Variants in COL22A1 observed in about 807,000 individuals in gnomAD.
COL22A1 encodes collagen type XXII alpha 1 chain.
Under a neutral mutation model 248.9 loss-of-function variants are expected in COL22A1, and 221 were observed. That is an observed-to-expected ratio of 0.89 (90% CI 0.80 to 0.99). The LOEUF (loss-of-function observed/expected upper bound fraction) is 0.99. Among genes scored for constraint, COL22A1 ranks in the 50% least tolerant of loss-of-function variants. The probability of loss-of-function intolerance (pLI) is 0.00; values close to 1 mark genes in which losing one functional copy is unlikely to be tolerated. For synonymous variants in COL22A1, 891 were observed against 793.4 expected (o/e 1.12, Z -2.07); for missense variants, 2,240 against 2,179.0 (o/e 1.03, Z -0.56).
At chr8:138,713,955 G>T (rs893615035) in intron 30 of COL22A1, among the ~76,000 whole-genome samples, 7 of 152,166 alleles carry the variant, frequency 4.6e-5, no homozygotes, top group Non-Finnish European at 7.3e-5. Context: ...AAGTCCTTAG[G>T]AGGTGAAAAT....
At chr8:138,655,728 G>A (rs1481025330) in intron 45 of COL22A1, among the ~76,000 whole-genome samples, 169 bp downstream of exon 45, 2 of 152,012 alleles carry the variant, frequency 1.3e-5, no homozygotes, top group Admixed American at 6.6e-5. Flanking sequence ...TGTTGGACAG[G>A]GGGATTTAGC....
intron 1 of COL22A1, among the ~76,000 whole-genome samples, chr8:138,907,140 A>G (rs937176476): frequency 3.5e-4 from 53 of 152,332 alleles, no homozygotes; most frequent in Middle Eastern, 3.4e-3. Context: ...TGTGCCCAAC[A>G]CAGAGGGACC....
intron 3 of COL22A1, among the ~76,000 whole-genome samples, chr8:138,848,651 T>C (rs1311214872): frequency 6.6e-6 from 1 of 152,168 alleles, no homozygotes; most frequent in Admixed American, 6.5e-5. Flanking sequence ...CATGCAATTA[T>C]TGAGTACCCA....
chr8:138,713,718 C>CT (rs772442458), intron 30 of COL22A1, among the ~76,000 whole-genome samples: 3 of 16,728 alleles, frequency 1.8e-4, no homozygotes, highest in African/African-American at 3.7e-4. Flanking sequence ...CCACCCCCAC[C>CT]GCCCCGCCGT....
intron 45 of COL22A1, among the ~76,000 whole-genome samples, chr8:138,654,981 G>T (rs370084226): frequency 6.6e-6 from 1 of 152,146 alleles, no homozygotes; most frequent in African/African-American, 2.4e-5. Flanking sequence ...CAGGACCCAG[G>T]TCCAGGCTGT....
chr8:138,778,266 G>A, intron 15 of COL22A1, 87 bp downstream of exon 15: 1 of 1,429,116 alleles, frequency 7.0e-7, no homozygotes, highest in East Asian at 2.3e-5. Flanking sequence ...TTACTGTCTA[G>A]ATGCAGGTGG....
At chr8:138,760,795 C>G (rs1833414281) in intron 17 of COL22A1, among the ~76,000 whole-genome samples, 1 of 152,134 alleles carries the variant, frequency 6.6e-6, no homozygotes, top group Non-Finnish European at 1.5e-5. Context: ...GAAGACTTGT[C>G]CCTCCTGCTC....
intron 6 of COL22A1, among the ~76,000 whole-genome samples, chr8:138,824,263 A>G (rs1819393963): frequency 6.6e-6 from 1 of 152,184 alleles, no homozygotes; most frequent in African/African-American, 2.4e-5. Context: ...CTAGCATGAT[A>G]TAGAGCAAGG....
chr8:138,859,672 A>T (rs1354816437), intron 3 of COL22A1, among the ~76,000 whole-genome samples: 1 of 151,916 alleles, frequency 6.6e-6, no homozygotes, highest in East Asian at 1.9e-4. Context: ...CCCCCCACAC[A>T]CTTACTCTCC....
chr8:138,627,692 A>G (rs1237839408), intron 50 of COL22A1, among the ~76,000 whole-genome samples: 1 of 152,128 alleles, frequency 6.6e-6, no homozygotes, highest in East Asian at 1.9e-4. Context: ...CATCCTCTCC[A>G]AAAACCCAGG....
At position 138,693,702 on chromosome 8, in the gene COL22A1, G is replaced by A. The variant is rs2130927460; in HGVS notation, c.2701-3C>T. The A allele has an allele frequency of 6.4e-7, 1 of 1,570,078 alleles. No homozygotes were observed. The highest frequency in any genetic ancestry group is 8.6e-7 in the Non-Finnish European group (1 of 1,157,048). On this transcript the variant is annotated splice_region_variant and splice_polypyrimidine_tract_variant and intron_variant, in intron 34 of 64. Transcript: ENST00000303045. ...GCACCTTCCTGTCCCTTGGCACCCT[G>A]CACAGGAAATAAAAGAGGGGCGGGG...
intron 23 of COL22A1, among the ~76,000 whole-genome samples, chr8:138,731,487 T>C (rs1287754666): frequency 6.6e-6 from 1 of 151,844 alleles, no homozygotes; most frequent in Non-Finnish European, 1.5e-5. Flanking sequence ...CAGAGCTCAG[T>C]GGTGATGCGG....
chr8:138,807,637 C>A, intron 10 of COL22A1, 131 bp downstream of exon 10: 1 of 806,052 alleles, frequency 1.2e-6, no homozygotes, highest in South Asian at 1.7e-5. Flanking sequence ...TCTTATCCAT[C>A]TAATTTAACA....
intron 1 of COL22A1, among the ~76,000 whole-genome samples, chr8:138,887,745 T>C (rs1338569706): frequency 6.6e-6 from 1 of 152,192 alleles, no homozygotes; most frequent in African/African-American, 2.4e-5. Flanking sequence ...TGAGGGTAGA[T>C]TTGTAGAAAA....
chr8:138,631,911 C>T (rs1012932970), intron 49 of COL22A1, among the ~76,000 whole-genome samples: 9 of 152,080 alleles, frequency 5.9e-5, no homozygotes, highest in Non-Finnish European at 1.3e-4. Context: ...CTCATTGGAA[C>T]ACTAAATTTA....
intron 3 of COL22A1, among the ~76,000 whole-genome samples, chr8:138,874,471 C>T (rs1028868043): frequency 6.6e-6 from 1 of 152,114 alleles, no homozygotes; most frequent in Non-Finnish European, 1.5e-5. Flanking sequence ...TGTGACAGGC[C>T]CAAAATATTC....
Position 138,827,173 on chromosome 8 carries a change from C to T in COL22A1, c.846-392G>A, listed in dbSNP as rs551295626. The T allele has an allele frequency of 3.0e-5, 6 of 202,350 alleles. No individual in the cohort carries two copies. The South Asian group carries it at 5.1e-4, about 17-fold the overall frequency. The allele number at this position is 202,350 out of a possible 1,614,324, so 12.5% of individuals were successfully genotyped here. ...TCCTCAGCCAGGACAAATGGATATA[C>T]CTTATCCTGCTTGGTGCCCTGTCCC... On this transcript the variant is annotated intron_variant, in intron 5 of 64. Coordinates refer to ENST00000303045, the MANE Select transcript of COL22A1 (RefSeq NM_152888.3).
chr8:138,737,091 C>T (rs951078754), intron 23 of COL22A1, among the ~76,000 whole-genome samples: 7 of 152,172 alleles, frequency 4.6e-5, no homozygotes, highest in South Asian at 2.1e-4. Flanking sequence ...CGCTGCGCTG[C>T]GGCCCACCAG....
chr8:138,776,826 G>A (rs1403742145), intron 15 of COL22A1, among the ~76,000 whole-genome samples: 1 of 152,220 alleles, frequency 6.6e-6, no homozygotes, highest in African/African-American at 2.4e-5. Context: ...TTTGTTGAAT[G>A]ACTAACTGAC....
Sources: allele counts gnomAD v4.1 joint callset (sites outside exome capture counted in the v4.1 genomes callset), GRCh38; gene constraint gnomAD v4.1.1; transcripts MANE v1.5; gene names NCBI Gene and HGNC (gene_info 2026-07-23, HGNC 2026-07-21).